The following ELF1 variants were observed in gnomAD, a reference collection of about 807,000 sequenced individuals.
The protein encoded by ELF1 is ETS-related transcription factor Elf-1.
A neutral mutation model predicts 59.9 loss-of-function variants in ELF1; 24 were observed. The ratio of observed to expected loss-of-function variants is 0.40; its 90% confidence interval spans 0.29 to 0.56. The LOEUF is 0.56. Ranked by LOEUF, ELF1 falls within the 20% of genes least tolerant of loss-of-function variation. The pLI is 0.44. For missense variants in ELF1, 627 were observed against 742.2 expected (o/e 0.84, Z 1.80); for synonymous variants, 248 against 266.2 (o/e 0.93, Z 0.67).
chr13:41,017,392 T>C (rs1026680588), intron 1 of ELF1, among the ~76,000 whole-genome samples: 1 of 152,180 alleles, frequency 6.6e-6, no homozygotes, highest in Non-Finnish European at 1.5e-5. Context: ...GGCCACTGTT[T>C]CTTCATCTAT....
intron 1 of ELF1, among the ~76,000 whole-genome samples, chr13:41,018,097 G>T (rs1875523503): frequency 6.6e-6 from 1 of 152,146 alleles, no homozygotes; most frequent in South Asian, 2.1e-4. Flanking sequence ...AATTCTCAAA[G>T]AACTAGCTAA....
rs148836056 is a variant in ELF1 at position 40,953,273 on chromosome 13, G to A, written c.254-1837C>T. ...TTACAAGTGTCAGCCACCGTGCCCG[G>A]CCTACAGTAATTCTTTAATATCATC... On this transcript the variant is annotated intron_variant, in intron 3 of 8. Transcript: ENST00000239882. 5.1e-3 allele frequency among the ~76,000 whole-genome samples: 775 copies of A among 152,226 alleles called. 9 individuals carry two copies. The highest frequency in any genetic ancestry group is 0.018 in the African/African-American group (746 of 41,530).
chr13:40,959,233 ACACCTGTAATCCC>A (rs1871657057), intron 2 of ELF1, among the ~76,000 whole-genome samples: 1 of 152,180 alleles, frequency 6.6e-6, no homozygotes, highest in Non-Finnish European at 1.5e-5. Context: ...GCGGTGACTC[ACACCTGTAATCCC>A]AGCACTCTGG....
At position 40,951,424 on chromosome 13, in the gene ELF1, C is replaced by T. The variant is rs1393792610; in HGVS notation, c.266G>A (p.Cys89Tyr). Residue 89 changes from cysteine to tyrosine, a missense_variant, in exon 4 of 9, where the codon TGT becomes TAT. By Grantham distance (194) the Cys-to-Tyr change is radical. Around this residue, in one of 3 missense-constraint regions of ELF1, gnomAD observed 232 missense variants for 269.2 expected, o/e 0.86. Transcript: ENST00000239882. ...TTCAATTGTTTCATCCCCGTCATGA[C>T]AAGAAGCTTCAACTGCAACACATTT... ...DDITLTVEAS[C>Y]HDGDETIETI... is the part of the protein sequence containing the mutation. 3 of 1,613,536 alleles carry T rather than the reference C, an allele frequency of 1.9e-6. No homozygotes were observed. The highest frequency in any genetic ancestry group is 1.7e-6 in the Non-Finnish European group (2 of 1,179,800).
intron 1 of ELF1, among the ~76,000 whole-genome samples, chr13:41,060,467 A>T (rs757462915): frequency 1.3e-5 from 2 of 151,978 alleles, no homozygotes; most frequent in African/African-American, 2.4e-5. Context: ...GGAGCAGCCC[A>T]GGGGAAAGTG....
intron 1 of ELF1, among the ~76,000 whole-genome samples, chr13:41,043,535 TC>T (rs1420271741): frequency 6.6e-6 from 1 of 152,232 alleles, no homozygotes; most frequent in Non-Finnish European, 1.5e-5. Context: ...TAGCCAGTTT[TC>T]CCAGCACCAT....
At chr13:40,961,443 C>T (rs1871814040) in intron 2 of ELF1, among the ~76,000 whole-genome samples, 1 of 152,056 alleles carries the variant, frequency 6.6e-6, no homozygotes, top group South Asian at 2.1e-4. Flanking sequence ...TCCCAGCTAC[C>T]TGGAAGGCTG....
chr13:41,035,702 A>G (rs12872140), intron 1 of ELF1, among the ~76,000 whole-genome samples: 4 of 147,566 alleles, frequency 2.7e-5, no homozygotes, highest in African/African-American at 5.3e-5. Context: ...AGAAAGAGAT[A>G]CAGAGATGAG....
chr13:41,010,318 T>C (rs1449462029), intron 1 of ELF1, among the ~76,000 whole-genome samples: 3 of 149,178 alleles, frequency 2.0e-5, no homozygotes, highest in South Asian at 2.1e-4. Flanking sequence ...TTGCACGTCA[T>C]AGTGGTATGC....
chr13:41,024,681 T>G (rs553987629), intron 1 of ELF1, among the ~76,000 whole-genome samples: 1 of 152,130 alleles, frequency 6.6e-6, no homozygotes, highest in East Asian at 1.9e-4. Context: ...ATGGCCACCA[T>G]TGCTGTGTTT....
intron 1 of ELF1, among the ~76,000 whole-genome samples, chr13:41,033,715 G>A (rs1298060729): frequency 1.3e-5 from 2 of 152,136 alleles, no homozygotes; most frequent in Admixed American, 1.3e-4. Context: ...GATTTGAGGT[G>A]GAACAGTTTC....
At chr13:40,948,424 G>C (rs769171566) in intron 5 of ELF1, among the ~76,000 whole-genome samples, 5 of 152,178 alleles carry the variant, frequency 3.3e-5, no homozygotes, top group Non-Finnish European at 5.9e-5. Flanking sequence ...CAAGACCTAA[G>C]CTTCTGCCTC....
intron 1 of ELF1, among the ~76,000 whole-genome samples, chr13:41,048,041 T>C (rs1362737924): frequency 6.6e-6 from 1 of 152,210 alleles, no homozygotes. Flanking sequence ...GTGTTAGCAA[T>C]GAGCGAGGGT....
At chr13:40,993,256 T>A in intron 1 of ELF1, 1 of 1,580,838 alleles carries the variant, frequency 6.3e-7, no homozygotes, top group Non-Finnish European at 8.7e-7. Context: ...GCAACAGATG[T>A]TGTTGGGCCT....
intron 2 of ELF1, among the ~76,000 whole-genome samples, chr13:40,971,744 C>G (rs1872559265): frequency 6.6e-6 from 1 of 152,144 alleles, no homozygotes; most frequent in African/African-American, 2.4e-5. Context: ...AATTGGCTTT[C>G]TTTAGTCTTT....
chr13:40,936,218 C>G (rs1254224089), intron 8 of ELF1, among the ~76,000 whole-genome samples: 3 of 152,064 alleles, frequency 2.0e-5, no homozygotes, highest in African/African-American at 7.3e-5. Flanking sequence ...GCCGCCTTAC[C>G]ATTACAACAG....
At chr13:40,990,762 G>A (rs1873806924) in intron 1 of ELF1, among the ~76,000 whole-genome samples, 1 of 145,138 alleles carries the variant, frequency 6.9e-6, no homozygotes, top group Admixed American at 7.2e-5. Context: ...GGCTGGGGCA[G>A]AATTGCTTGA....
intron 1 of ELF1, among the ~76,000 whole-genome samples, chr13:41,005,980 A>G (rs1874732197): frequency 6.6e-6 from 1 of 152,188 alleles, no homozygotes; most frequent in South Asian, 2.1e-4. Context: ...ACCAGAGTTT[A>G]GTGCTATTCC....
chr13:40,935,908 C>A (rs767627095), intron 8 of ELF1, among the ~76,000 whole-genome samples: 3 of 152,014 alleles, frequency 2.0e-5, no homozygotes, highest in Admixed American at 6.6e-5. Context: ...CTCCTGACAT[C>A]ATTGGCATCA....
Sources: allele counts gnomAD v4.1 joint callset (sites outside exome capture counted in the v4.1 genomes callset), GRCh38; gene constraint gnomAD v4.1.1; regional missense constraint gnomAD v4.1.1; transcripts MANE v1.5; gene names NCBI Gene and HGNC (gene_info 2026-07-23, HGNC 2026-07-21).